The following SNX31 variants were observed in gnomAD, a reference collection of about 807,000 sequenced individuals.
SNX31 encodes the protein sorting nexin 31.
In SNX31, 58 loss-of-function variants were observed where a neutral mutation model predicts 65.4. The observed-to-expected ratio is 0.89, with a 90% confidence interval of 0.72 to 1.10. SNX31 has a LOEUF of 1.10. Among genes scored for constraint, SNX31 ranks in the 50% least tolerant of loss-of-function variants. SNX31 has a pLI of 0.00. For missense variants in SNX31, 523 were observed against 529.7 expected (o/e 0.99, Z 0.12); for synonymous variants, 181 against 190.1 (o/e 0.95, Z 0.39).
chr8:100,623,529 C>T (rs1186932074), intron 4 of SNX31, among the ~76,000 whole-genome samples: 3 of 152,212 alleles, frequency 2.0e-5, no homozygotes, highest in African/African-American at 7.2e-5. Context: ...ACCAGCTAAC[C>T]TCACTTCCTA....
chr8:100,634,226 G>A (rs1484519001), intron 3 of SNX31, among the ~76,000 whole-genome samples: 2 of 152,140 alleles, frequency 1.3e-5, no homozygotes, highest in African/African-American at 2.4e-5. Context: ...CTGTTGTACT[G>A]TAAGCCTCAC....
intron 2 of SNX31, among the ~76,000 whole-genome samples, chr8:100,646,958 T>C (rs984084976): frequency 2.0e-5 from 3 of 152,216 alleles, no homozygotes; most frequent in African/African-American, 7.2e-5. Flanking sequence ...TTAGGAAAAT[T>C]GTGCCTCAGC....
upstream of SNX31, chr8:100,649,671 T>C: frequency 4.6e-6 from 3 of 646,104 alleles, no homozygotes; most frequent in Non-Finnish European, 7.6e-6. Context: ...CATCTACAGG[T>C]GGGGCCGGGG....
intron 4 of SNX31, among the ~76,000 whole-genome samples, chr8:100,619,469 G>T (rs956712468): frequency 1.3e-5 from 2 of 152,190 alleles, no homozygotes; most frequent in Non-Finnish European, 2.9e-5. Context: ...CAAATCTGGG[G>T]ATCTGTGACA....
intron 4 of SNX31, among the ~76,000 whole-genome samples, chr8:100,628,036 A>G (rs150805223): frequency 0.018 from 2,804 of 152,274 alleles, 93 homozygotes; most frequent in African/African-American, 0.061. Context: ...AAAACCACAA[A>G]GAGATACCAT....
chr8:100,591,285 A>T (rs962017513), intron 10 of SNX31, among the ~76,000 whole-genome samples: 4 of 152,148 alleles, frequency 2.6e-5, no homozygotes, highest in African/African-American at 7.2e-5. Flanking sequence ...GAGCTCTAAG[A>T]ATGGCAGCTA....
In SNX31 at chr8:100,622,267, G is replaced by A. The variant is rs1160475030; in HGVS notation, c.322-4537C>T. Among the ~76,000 whole-genome samples, 1 of 152,122 alleles carries A rather than the reference G, an allele frequency of 6.6e-6. No individual in the cohort carries two copies. Among genetic ancestry groups the A allele is most frequent in the South Asian group, 2.1e-4 (1 of 4,822 alleles). Reference sequence around the variant, plus strand: ...GTGAGTTTATCTTGAAGAGTGCCCTGTACAAGTAGACATTTAATAATCTTG... The same window carrying A: ...GTGAGTTTATCTTGAAGAGTGCCCTATACAAGTAGACATTTAATAATCTTG... On this transcript the variant is annotated intron_variant, in intron 4 of 13. Transcript: ENST00000311812. This position sits in a 1 kb window ranked among gnomAD's most constrained non-coding sequence, Gnocchi z 5.0.
rs768121622 is a variant in SNX31, at chr8:100,654,718, A to C, written c.-58+8424T>G. Among the ~76,000 whole-genome samples, 15 of 152,354 alleles carry C rather than the reference A, an allele frequency of 9.8e-5. 1 individual carries two copies. The highest frequency in any genetic ancestry group is 7.7e-4 in the East Asian group (4 of 5,176). On this transcript the variant is annotated intron_variant, in intron 1 of 5. Coordinates refer to the SNX31 transcript ENST00000520352. The stretch of plus-strand genomic sequence containing the variant: ...TGGGAATTGAAAGATGAAGATGGAA[A>C]AAGTAAAGATGGGGCCGGGTGCAGT...
intron 2 of SNX31, among the ~76,000 whole-genome samples, chr8:100,645,766 T>C (rs1819590088): frequency 1.3e-5 from 2 of 152,044 alleles, no homozygotes; most frequent in Admixed American, 6.6e-5. Context: ...AGCACCACCA[T>C]GCCTGGCTAA....
chr8:100,587,664 T>C (rs1474821830), intron 11 of SNX31, among the ~76,000 whole-genome samples: 1 of 152,202 alleles, frequency 6.6e-6, no homozygotes, highest in Non-Finnish European at 1.5e-5. Flanking sequence ...GTGGCTGAGG[T>C]AGTGACATCT....
At chr8:100,641,565 A>AAAAATATAT (rs1554587369) in intron 2 of SNX31, among the ~76,000 whole-genome samples, 2 of 32,108 alleles carry the variant, frequency 6.2e-5, no homozygotes, top group African/African-American at 1.4e-4. Flanking sequence ...AAAAAAAAAA[A>AAAAATATAT]ATATATATAT....
rs148936437 is a variant in SNX31 at position 100,660,510 on chromosome 8, G to A, written c.-58+2632C>T. Among the ~76,000 whole-genome samples, 163 of 152,322 alleles carry A rather than the reference G, an allele frequency of 1.1e-3. 1 individual carries two copies. The highest frequency in any genetic ancestry group is 3.8e-3 in the African/African-American group (158 of 41,576). On this transcript the variant is annotated intron_variant, in intron 1 of 5. Transcript: ENST00000520352. This position sits in a 1 kb window ranked among gnomAD's most constrained non-coding sequence, Gnocchi z 4.1. ...CTTCAGAGTGATACTAAATGATTGT[G>A]TTTTACACAAGAGATCAAACCAGGT...
intron 2 of SNX31, among the ~76,000 whole-genome samples, chr8:100,640,559 T>C (rs1819097189): frequency 6.6e-6 from 1 of 152,198 alleles, no homozygotes; most frequent in African/African-American, 2.4e-5. Context: ...AACTTTACAG[T>C]GGAGAAAACT....
chr8:100,634,298 A>C (rs1818600160), intron 3 of SNX31, among the ~76,000 whole-genome samples: 1 of 152,306 alleles, frequency 6.6e-6, no homozygotes, highest in South Asian at 2.1e-4. Context: ...ACTAACATGA[A>C]GGCACAAGCT....
intron 4 of SNX31, among the ~76,000 whole-genome samples, chr8:100,620,916 G>A (rs1343406545): frequency 6.6e-6 from 1 of 152,052 alleles, no homozygotes; most frequent in Admixed American, 6.6e-5. Flanking sequence ...TCAGGAGTTC[G>A]AGACCAGCTT....
rs950973655 is a variant in SNX31, at chr8:100,612,353, G to A, written c.524-266C>T. 1.3e-5 allele frequency among the ~76,000 whole-genome samples: 2 copies of A among 151,824 alleles called. No individual in the cohort carries two copies. The highest frequency in any genetic ancestry group is 2.4e-5 in the African/African-American group (1 of 41,310). On this transcript the variant is annotated intron_variant, in intron 6 of 13. Coordinates refer to ENST00000311812, the MANE Select transcript of SNX31 (RefSeq NM_152628.4). The surrounding 1 kb of genome is among the most constrained non-coding windows in gnomAD (Gnocchi z 4.3). Reference sequence around the variant, plus strand: ...AAAAATAGATCCGGAGACATCCAGCGCCTTCGCAGCTCACCGCAGGGCCTA... The same window carrying A: ...AAAAATAGATCCGGAGACATCCAGCACCTTCGCAGCTCACCGCAGGGCCTA...
intron 2 of SNX31, among the ~76,000 whole-genome samples, chr8:100,636,673 G>A (rs1005280805): frequency 3.3e-5 from 5 of 151,830 alleles, no homozygotes; most frequent in African/African-American, 1.2e-4. Flanking sequence ...TCTTTTTAAT[G>A]TGCCTATCAG....
intron 4 of SNX31, among the ~76,000 whole-genome samples, 186 bp from the exon 5 acceptor site, chr8:100,617,916 C>G (rs542417308): frequency 1.1e-3 from 163 of 152,102 alleles, no homozygotes; most frequent in Non-Finnish European, 1.8e-3. Context: ...AGGCACCCAC[C>G]ACCACGTCCA....
chr8:100,608,427 G>C (rs180714661), intron 8 of SNX31, 67 bp downstream of exon 8: 1 of 1,458,260 alleles, frequency 6.9e-7, no homozygotes, highest in East Asian at 2.3e-5. Context: ...CACATAATTT[G>C]TTTAGTGGCT....
Sources: allele counts gnomAD v4.1 joint callset (sites outside exome capture counted in the v4.1 genomes callset), GRCh38; gene constraint gnomAD v4.1.1; non-coding constraint Gnocchi (gnomAD v3.1); transcripts MANE v1.5; gene names NCBI Gene and HGNC (gene_info 2026-07-23, HGNC 2026-07-21).